ESRRG: variants seen among roughly 807,000 people sequenced by gnomAD.
The protein encoded by ESRRG is estrogen related receptor gamma, also known as estrogen-related receptor gamma.
A neutral mutation model predicts 44.0 loss-of-function variants in ESRRG; 13 were observed. That is an observed-to-expected ratio of 0.30 (90% CI 0.19 to 0.47). ESRRG has a LOEUF of 0.47. Among genes scored for constraint, ESRRG ranks in the 20% least tolerant of loss-of-function variants. ESRRG has a pLI of 1.00. For missense variants in ESRRG, 395 were observed against 580.6 expected (o/e 0.68, Z 3.29); for synonymous variants, 215 against 214.6 (o/e 1.00, Z -0.02).
intron 1 of ESRRG, among the ~76,000 whole-genome samples, chr1:217,106,808 ACT>A (rs1226504348): frequency 6.6e-6 from 1 of 152,016 alleles, no homozygotes; most frequent in Non-Finnish European, 1.5e-5. Flanking sequence ...ATTGTGACAG[ACT>A]CACTCCTGTC....
chr1:216,991,377 TTGC>T (rs1053050951), intron 1 of ESRRG, among the ~76,000 whole-genome samples: 1 of 152,066 alleles, frequency 6.6e-6, no homozygotes, highest in Non-Finnish European at 1.5e-5. Flanking sequence ...CGTTTTGTTG[TTGC>T]TGCTGCTGCT....
intron 2 of ESRRG, among the ~76,000 whole-genome samples, chr1:216,837,524 C>T (rs372113974): frequency 3.9e-5 from 6 of 152,034 alleles, no homozygotes; most frequent in South Asian, 2.1e-4. Flanking sequence ...ATGGGGAAGA[C>T]GGGAGTCACT....
chr1:216,549,284 T>C (rs920377458), intron 5 of ESRRG, among the ~76,000 whole-genome samples: 3 of 151,830 alleles, frequency 2.0e-5, no homozygotes, highest in African/African-American at 7.3e-5. Context: ...AGATCAGTGA[T>C]GGAAAAGAAC....
chr1:216,997,266 C>T (rs1037251297), intron 1 of ESRRG, among the ~76,000 whole-genome samples: 3 of 152,182 alleles, frequency 2.0e-5, no homozygotes, highest in African/African-American at 7.2e-5. Flanking sequence ...TATAATGAGC[C>T]CCTCTTGATA....
At chr1:216,643,796 T>G (rs773461066) in intron 3 of ESRRG, among the ~76,000 whole-genome samples, 11 of 152,190 alleles carry the variant, frequency 7.2e-5, no homozygotes, top group Non-Finnish European at 1.6e-4. Flanking sequence ...AATTATGTCA[T>G]TTATTTATAT....
At chr1:216,540,074 A>G (rs1053111091) in intron 5 of ESRRG, among the ~76,000 whole-genome samples, 4 of 152,030 alleles carry the variant, frequency 2.6e-5, no homozygotes, top group Admixed American at 6.6e-5. Flanking sequence ...GTCTGGCCAC[A>G]TTGTATGTAG....
chr1:216,903,415 TTGTGTGTGTTCAAGTGTGTGTGTGTG>T (rs1441502931), intron 2 of ESRRG, among the ~76,000 whole-genome samples: 1 of 134,112 alleles, frequency 7.5e-6, no homozygotes, highest in Non-Finnish European at 1.5e-5. Flanking sequence ...ATATGTGTGG[TTGTGTGTGTTCAAGTGTGTGTGTGTG>T]TGTGTGTGTG....
intron 1 of ESRRG, among the ~76,000 whole-genome samples, chr1:217,087,757 T>C (rs538091343): frequency 6.6e-5 from 10 of 152,228 alleles, no homozygotes; most frequent in Admixed American, 5.2e-4. Context: ...GTTTAAAGAG[T>C]TATGAGAATT....
chr1:216,750,760 C>CTT (rs34458849), intron 2 of ESRRG, among the ~76,000 whole-genome samples: 92 of 151,190 alleles, frequency 6.1e-4, no homozygotes, highest in African/African-American at 1.0e-3. Flanking sequence ...AGTTATTTAC[C>CTT]TTTTTTTAAA....
At chr1:216,539,536 G>A (rs2052047672) in intron 5 of ESRRG, among the ~76,000 whole-genome samples, 1 of 151,910 alleles carries the variant, frequency 6.6e-6, no homozygotes, top group Non-Finnish European at 1.5e-5. Flanking sequence ...TTCCTGGAAT[G>A]TCCAAGCACA....
intron 2 of ESRRG, among the ~76,000 whole-genome samples, chr1:216,834,933 G>A (rs1215695724): frequency 1.3e-5 from 2 of 152,164 alleles, no homozygotes; most frequent in African/African-American, 4.8e-5. Flanking sequence ...CTTAGAGACA[G>A]CAATTGAAGT....
chr1:216,887,435 C>T (rs866290067), intron 2 of ESRRG, among the ~76,000 whole-genome samples: 8 of 152,238 alleles, frequency 5.3e-5, no homozygotes, highest in Middle Eastern at 6.8e-3. Context: ...TAGTACATGT[C>T]TGAATTAGGT....
At chr1:216,958,074 A>T (rs866426157) in intron 1 of ESRRG, among the ~76,000 whole-genome samples, 11 of 152,192 alleles carry the variant, frequency 7.2e-5, no homozygotes, top group African/African-American at 1.2e-4. Context: ...ACCACAGCAT[A>T]ACATTTATGA....
chr1:216,713,067 T>C (rs1043490349), intron 1 of ESRRG, among the ~76,000 whole-genome samples: 5 of 152,204 alleles, frequency 3.3e-5, no homozygotes, highest in Non-Finnish European at 4.4e-5. Flanking sequence ...TCGAATACTA[T>C]TGATTTGAGT....
chr1:216,565,224 C>T (rs575271278), intron 4 of ESRRG, among the ~76,000 whole-genome samples: 1 of 152,198 alleles, frequency 6.6e-6, no homozygotes, highest in Non-Finnish European at 1.5e-5. Flanking sequence ...TTTTATTGCT[C>T]AGGGGCATGT....
intron 2 of ESRRG, among the ~76,000 whole-genome samples, chr1:216,811,862 A>G (rs1230644893): frequency 1.3e-5 from 2 of 152,210 alleles, no homozygotes; most frequent in African/African-American, 4.8e-5. Flanking sequence ...ATGCATTCAA[A>G]TATGTTCAAA....
At chr1:216,996,870 G>A (rs1051410460) in intron 1 of ESRRG, among the ~76,000 whole-genome samples, 1 of 152,080 alleles carries the variant, frequency 6.6e-6, no homozygotes, top group Non-Finnish European at 1.5e-5. Context: ...CAATGAGACT[G>A]CAAAAGAAAG....
At chr1:217,135,626 G>C (rs1027316735) in intron 1 of ESRRG, among the ~76,000 whole-genome samples, 2 of 152,142 alleles carry the variant, frequency 1.3e-5, no homozygotes, top group Non-Finnish European at 2.9e-5. Context: ...GTCAGGCGCG[G>C]ACCCACATTC....
intron 2 of ESRRG, among the ~76,000 whole-genome samples, chr1:216,754,288 A>G (rs1219019014): frequency 1.3e-5 from 2 of 152,034 alleles, no homozygotes; most frequent in African/African-American, 2.4e-5. Flanking sequence ...GAACACTTAC[A>G]CACATACTCA....
Sources: gnomAD v4.1 joint callset for allele counts (sites outside exome capture counted in the v4.1 genomes callset) on GRCh38, gnomAD v4.1.1 for gene constraint, MANE v1.5 for transcripts, NCBI Gene and HGNC (gene_info 2026-07-23, HGNC 2026-07-21) for gene names.